SUZ12: variants seen among roughly 807,000 people sequenced by gnomAD.
The protein encoded by SUZ12 is SUZ12 polycomb repressive complex 2 subunit, also known as polycomb protein SUZ12.
A neutral mutation model predicts 87.3 loss-of-function variants in SUZ12; 17 were observed. The observed-to-expected ratio is 0.19, with a 90% confidence interval of 0.13 to 0.29. The LOEUF is 0.29. SUZ12 is among the 10% of genes least tolerant of loss of function. The probability of loss-of-function intolerance (pLI) is 1.00; values close to 1 mark genes in which losing one functional copy is unlikely to be tolerated. For missense variants in SUZ12, 526 were observed against 912.2 expected, an observed-to-expected ratio of 0.58 and a Z score of 5.45; for synonymous variants, 253 against 312.4, an observed-to-expected ratio of 0.81 and a Z score of 2.01.
At chr17:31,990,835 C>G (rs1909683038) in intron 10 of SUZ12, among the ~76,000 whole-genome samples, 1 of 152,240 alleles carries the variant, frequency 6.6e-6, no homozygotes, top group East Asian at 1.9e-4. Flanking sequence ...GAAACCACCG[C>G]CTCCCAGGCT....
intron 4 of SUZ12, among the ~76,000 whole-genome samples, chr17:31,952,325 TC>T (rs1182435255): frequency 6.6e-6 from 1 of 151,906 alleles, no homozygotes; most frequent in East Asian, 1.9e-4. Flanking sequence ...TTCCCAAAGT[TC>T]CGGGATTACA....
rs879922597 is a variant in SUZ12 at position 31,960,217 on chromosome 17, C to CT, written c.456-5919dup. ...ATTCTAGTACATATCAGAGTGTTTACTTTTTTTTTTTGAGACGGGGTCTCG... is the reference window on the plus strand; with the variant it reads ...ATTCTAGTACATATCAGAGTGTTTACTTTTTTTTTTTTGAGACGGGGTCTCG... On this transcript the variant is annotated intron_variant, in intron 4 of 15. Coordinates refer to ENST00000322652, the MANE Select transcript of SUZ12 (RefSeq NM_015355.4). 9.4e-4 allele frequency among the ~76,000 whole-genome samples: 138 copies of CT among 147,264 alleles called. 1 individual carries two copies. The highest frequency in any genetic ancestry group is 3.5e-3 in the Middle Eastern group (1 of 286).
At chr17:31,981,286 G>A (rs753975254) in intron 8 of SUZ12, among the ~76,000 whole-genome samples, 1 of 152,136 alleles carries the variant, frequency 6.6e-6, no homozygotes, top group Non-Finnish European at 1.5e-5. Flanking sequence ...AGAAGAATGG[G>A]CAAAAGAAAC....
At chr17:31,969,171 T>C (rs1279384829) in intron 5 of SUZ12, among the ~76,000 whole-genome samples, 1 of 151,818 alleles carries the variant, frequency 6.6e-6, no homozygotes, top group African/African-American at 2.4e-5. Flanking sequence ...TGAGATGGAG[T>C]TTCACTCTGG....
chr17:31,983,451 T>G (rs1296668897), intron 9 of SUZ12, among the ~76,000 whole-genome samples: 2 of 152,026 alleles, frequency 1.3e-5, no homozygotes, highest in Non-Finnish European at 2.9e-5. Flanking sequence ...GGCTAATTTT[T>G]TTTTATTTTC....
intron 14 of SUZ12, among the ~76,000 whole-genome samples, 167 bp from the exon 15 acceptor site, chr17:31,996,631 T>TA: frequency 7.6e-6 from 1 of 131,390 alleles, no homozygotes; most frequent in Admixed American, 6.9e-5. Flanking sequence ...ACTAAATAAA[T>TA]AAATTAAATT....
rs371938966 is a variant in SUZ12 at position 31,994,735 on chromosome 17, G to C, written c.1595+14G>C. On this transcript the variant is annotated intron_variant, in intron 13 of 15. Coordinates refer to ENST00000322652, the MANE Select transcript of SUZ12 (RefSeq NM_015355.4). ...TCTTGTGTGCAGGTAGGTAAAAAGG[G>C]CATATAAGAAAAGTTTAAGCTCTGA... 95 of 1,607,690 alleles carry C rather than the reference G, an allele frequency of 5.9e-5. No homozygotes were observed. Among genetic ancestry groups the C allele is most frequent in the Non-Finnish European group, 7.7e-5 (91 of 1,176,928 alleles).
intron 4 of SUZ12, among the ~76,000 whole-genome samples, chr17:31,958,085 A>G (rs1254192074): frequency 3.3e-5 from 5 of 151,120 alleles, no homozygotes; most frequent in East Asian, 4.0e-4. Flanking sequence ...TTGTATTTTT[A>G]GTAGAGATGG....
At chr17:31,965,278 A>ATC (rs1379152506) in intron 4 of SUZ12, among the ~76,000 whole-genome samples, 1 of 152,116 alleles carries the variant, frequency 6.6e-6, no homozygotes, top group Non-Finnish European at 1.5e-5. Flanking sequence ...GCCCTCCATA[A>ATC]TCTGGTGTCT....
chr17:31,946,365 C>T (rs548692313), intron 3 of SUZ12, among the ~76,000 whole-genome samples: 2 of 152,230 alleles, frequency 1.3e-5, no homozygotes, highest in South Asian at 2.1e-4. Flanking sequence ...GAAACCCTGT[C>T]TCTACAAAAT....
In SUZ12 at chr17:31,999,826, A is replaced by C. The variant is rs951704419; in HGVS notation, c.*823A>C. 1.7e-5 allele frequency: 4 copies of C among 232,120 alleles called. No homozygotes were observed. The highest frequency in any genetic ancestry group is 8.9e-5 in the African/African-American group (4 of 45,184). The allele number at this position is 232,120 out of a possible 1,614,324, so 14.4% of individuals were successfully genotyped here. A position where few individuals can be genotyped will look rare whatever the true frequency, so the allele number is the denominator to read the frequency against. ...AATCACACGGAAAATTAAGCTGTTC[A>C]TATCTTTAAATTAGGATTGCAAACC... On this transcript the variant is annotated 3_prime_UTR_variant, in exon 16 of 16. Transcript: ENST00000322652.
At chr17:31,988,806 C>G (rs1350135869) in intron 10 of SUZ12, among the ~76,000 whole-genome samples, 3 of 151,734 alleles carry the variant, frequency 2.0e-5, no homozygotes, top group Non-Finnish European at 4.4e-5. Flanking sequence ...CGCAGTGGCT[C>G]AACACCTGTA....
chr17:31,938,398 A>G (rs1477033555), intron 1 of SUZ12, among the ~76,000 whole-genome samples: 1 of 152,164 alleles, frequency 6.6e-6, no homozygotes, highest in Non-Finnish European at 1.5e-5. Context: ...ACTTGGCTCT[A>G]CCGCCCAGTG....
intron 8 of SUZ12, among the ~76,000 whole-genome samples, chr17:31,979,120 A>AAAAAAAG (rs1205903952): frequency 1.6e-4 from 24 of 146,606 alleles, no homozygotes; most frequent in African/African-American, 5.9e-4. Flanking sequence ...AAAAAAAAAA[A>AAAAAAAG]AAAAAGAATT....
chr17:31,993,132 C>A, intron 10 of SUZ12, 110 bp from the exon 11 acceptor site: 1 of 657,734 alleles, frequency 1.5e-6, no homozygotes, highest in Non-Finnish European at 2.5e-6. Flanking sequence ...TATTTAAATA[C>A]CACAAGTAGA....
At chr17:31,972,418 T>C (rs1485560394) in intron 5 of SUZ12, among the ~76,000 whole-genome samples, 1 of 150,714 alleles carries the variant, frequency 6.6e-6, no homozygotes. Flanking sequence ...TAGAAATGTG[T>C]AGATGTGTTT....
chr17:31,987,230 GGAAAGTGTTTTAGAA>G (rs1909466564), intron 9 of SUZ12, among the ~76,000 whole-genome samples: 1 of 152,162 alleles, frequency 6.6e-6, no homozygotes, highest in Non-Finnish European at 1.5e-5. Context: ...AACGTGAGAA[GGAAAGTGTTTTAGAA>G]GAAAAGATAC....
chr17:31,982,876 G>C, intron 8 of SUZ12, 123 bp from the exon 9 acceptor site: 2 of 1,326,624 alleles, frequency 1.5e-6, no homozygotes, highest in Non-Finnish European at 2.0e-6. Flanking sequence ...TTAAAATCTT[G>C]TTGGGTATGT....
chr17:31,942,695 T>A (rs1363577906), intron 3 of SUZ12, among the ~76,000 whole-genome samples: 2 of 152,178 alleles, frequency 1.3e-5, no homozygotes, highest in African/African-American at 2.4e-5. Context: ...GAAGGTTTTT[T>A]AAAAACAATG....
Sources: gnomAD v4.1 joint callset for allele counts (sites outside exome capture counted in the v4.1 genomes callset) on GRCh38, gnomAD v4.1.1 for gene constraint, MANE v1.5 for transcripts, NCBI Gene and HGNC (gene_info 2026-07-23, HGNC 2026-07-21) for gene names.